The following RIMS2 variants were observed in gnomAD, a reference collection of about 807,000 sequenced individuals.
RIMS2 encodes regulating synaptic membrane exocytosis protein 2.
Under a neutral mutation model 174.4 loss-of-function variants are expected in RIMS2, and 59 were observed. The ratio of observed to expected loss-of-function variants is 0.34; its 90% CI spans 0.27 to 0.42. The LOEUF is 0.42. RIMS2 is among the 10% of genes least tolerant of loss of function. The pLI is 1.00. For synonymous variants in RIMS2, 606 were observed against 572.5 expected (o/e 1.06, Z -0.84); for missense variants, 1,620 against 1,666.3 (o/e 0.97, Z 0.48).
intron 1 of RIMS2, among the ~76,000 whole-genome samples, chr8:103,506,111 C>T (rs945372773): frequency 2.0e-5 from 3 of 152,004 alleles, no homozygotes; most frequent in East Asian, 1.9e-4. Flanking sequence ...CATATGTAAA[C>T]CACTGTTGCC....
At chr8:103,677,088 T>C (rs2096824365) in intron 1 of RIMS2, among the ~76,000 whole-genome samples, 1 of 152,220 alleles carries the variant, frequency 6.6e-6, no homozygotes, top group Non-Finnish European at 1.5e-5. Flanking sequence ...TCCAAGTGTT[T>C]GATGCTTTTG....
intron 19 of RIMS2, among the ~76,000 whole-genome samples, chr8:104,183,727 T>G (rs1284697232): frequency 6.6e-6 from 1 of 151,594 alleles, no homozygotes; most frequent in Non-Finnish European, 1.5e-5. Flanking sequence ...ATAATATGAT[T>G]TTATCTTCTG....
At chr8:104,037,374 G>A (rs1413968046) in intron 19 of RIMS2, among the ~76,000 whole-genome samples, 2 of 152,052 alleles carry the variant, frequency 1.3e-5, no homozygotes, top group African/African-American at 2.4e-5. Flanking sequence ...GTTTCATTGT[G>A]TCAGGAACGT....
In RIMS2 at chr8:104,129,192, C is replaced by T. The variant is rs879938630; in HGVS notation, c.3334+114577C>T. 1.3e-4 allele frequency among the ~76,000 whole-genome samples: 19 copies of T among 151,730 alleles called. 2 individuals are homozygous for T. Among genetic ancestry groups the T allele is most frequent in the Admixed American group, 1.1e-3 (16 of 15,224 alleles). On this transcript the variant is annotated intron_variant, in intron 19 of 23. Transcript: ENST00000504942. ...CTTGAGCCCAGGAGTTCCAGACCAG[C>T]CTGGGCAACATAGCGAGACCTTGTC...
intron 19 of RIMS2, among the ~76,000 whole-genome samples, chr8:104,165,814 A>G (rs1380665924): frequency 6.6e-6 from 1 of 152,212 alleles, no homozygotes; most frequent in African/African-American, 2.4e-5. Context: ...TTTTAAAAGT[A>G]TACAAATTTC....
exon 3 of RIMS2, chr8:103,766,472 A>G: frequency 6.2e-7 from 1 of 1,613,878 alleles, no homozygotes; most frequent in Non-Finnish European, 8.5e-7. Flanking sequence ...GGCTCACAAG[A>G]CAGCATTCTA....
intron 3 of RIMS2, among the ~76,000 whole-genome samples, chr8:103,779,378 G>T (rs1218049671): frequency 6.6e-6 from 1 of 151,876 alleles, no homozygotes; most frequent in African/African-American, 2.4e-5. Flanking sequence ...CACAGTTTTG[G>T]GTCTTCAATA....
chr8:104,062,092 T>C (rs1205244499), intron 19 of RIMS2, among the ~76,000 whole-genome samples: 1 of 152,136 alleles, frequency 6.6e-6, no homozygotes, highest in African/African-American at 2.4e-5. Context: ...TTTTTAGATA[T>C]TGAAAGAACA....
intron 1 of RIMS2, among the ~76,000 whole-genome samples, chr8:103,658,463 AT>A (rs2096557798): frequency 6.6e-6 from 1 of 152,222 alleles, no homozygotes; most frequent in East Asian, 1.9e-4. Context: ...TACCAGAAGA[AT>A]TACAATCTTC....
intron 3 of RIMS2, among the ~76,000 whole-genome samples, chr8:103,782,000 G>C (rs796078703): frequency 6.6e-6 from 1 of 151,702 alleles, no homozygotes; most frequent in African/African-American, 2.4e-5. Flanking sequence ...CGCCCACCTC[G>C]GCCTCCCAAA....
intron 19 of RIMS2, among the ~76,000 whole-genome samples, chr8:104,099,842 C>T (rs1255459162): frequency 6.7e-6 from 1 of 150,194 alleles, no homozygotes; most frequent in Non-Finnish European, 1.5e-5. Context: ...TTTGAGACAG[C>T]ATCTCACTGT....
chr8:103,513,139 T>C (rs1296277643), intron 1 of RIMS2, among the ~76,000 whole-genome samples: 2 of 152,188 alleles, frequency 1.3e-5, no homozygotes, highest in African/African-American at 4.8e-5. Flanking sequence ...GCTTGGAGGC[T>C]GCCTGCAGTC....
At chr8:103,520,128 ACTCT>A (rs536755474) in intron 1 of RIMS2, among the ~76,000 whole-genome samples, 2 of 151,680 alleles carry the variant, frequency 1.3e-5, no homozygotes, top group African/African-American at 4.8e-5. Context: ...AATCTCTTGG[ACTCT>A]CTGTCTCTTT....
chr8:103,595,180 G>T lies in RIMS2; in HGVS notation c.176+94118G>T, dbSNP rs141223104. 6.6e-3 allele frequency among the ~76,000 whole-genome samples: 1,004 copies of T among 151,846 alleles called. 38 individuals are homozygous for T. Among genetic ancestry groups the T allele is most frequent in the Admixed American group, 0.057 (863 of 15,214 alleles). On this transcript the variant is annotated intron_variant, in intron 1 of 23. Transcript: ENST00000504942. The stretch of plus-strand genomic sequence containing the variant: ...TTTTATTCTTTATAGACTGTCAAAA[G>T]TTTTGCAGAGTTTCTCTTCTCCCTT...
At chr8:104,190,028 G>T (rs1052711041) in intron 19 of RIMS2, among the ~76,000 whole-genome samples, 4 of 152,002 alleles carry the variant, frequency 2.6e-5, no homozygotes, top group African/African-American at 9.7e-5. Context: ...ACATATTACA[G>T]CATGGTGGCT....
At chr8:103,862,604 A>G (rs1276947196) in intron 3 of RIMS2, among the ~76,000 whole-genome samples, 1 of 152,048 alleles carries the variant, frequency 6.6e-6, no homozygotes, top group Non-Finnish European at 1.5e-5. Flanking sequence ...ATCCATGAGC[A>G]TGGGATATTT....
In RIMS2 at chr8:104,244,896, T is replaced by C. The variant is rs1170777703; in HGVS notation, c.3335-20T>C. ...ATAGTGATTACAAAGCTGTTACACT[T>C]TTTGTTTCTATCTCTGCAGAAGCAG... On this transcript the variant is annotated intron_variant, in intron 19 of 23. Transcript: ENST00000504942. The C allele has an allele frequency of 6.2e-7, 1 of 1,607,882 alleles. No individual in the cohort carries two copies. The highest frequency in any genetic ancestry group is 8.5e-7 in the Non-Finnish European group (1 of 1,175,024).
intron 1 of RIMS2, among the ~76,000 whole-genome samples, chr8:103,629,884 A>G (rs1191383046): frequency 6.6e-6 from 1 of 152,118 alleles, no homozygotes; most frequent in Non-Finnish European, 1.5e-5. Flanking sequence ...TAACAAATGA[A>G]CCATCTTGGA....
At chr8:104,050,849 G>A (rs1668499503) in intron 19 of RIMS2, among the ~76,000 whole-genome samples, 1 of 152,112 alleles carries the variant, frequency 6.6e-6, no homozygotes, top group Non-Finnish European at 1.5e-5. Flanking sequence ...ATATTCATTA[G>A]AACATAGTGA....
Sources: gnomAD v4.1 joint callset for allele counts (sites outside exome capture counted in the v4.1 genomes callset) on GRCh38, gnomAD v4.1.1 for gene constraint, MANE v1.5 for transcripts, NCBI Gene and HGNC (gene_info 2026-07-23, HGNC 2026-07-21) for gene names.